The following ERG variants were observed in gnomAD, a reference collection of about 807,000 sequenced individuals.
ERG encodes the protein transcriptional regulator ERG.
In ERG, 9 loss-of-function variants were observed where a neutral mutation model predicts 55.3. That is an observed-to-expected ratio of 0.16 (90% CI 0.10 to 0.28). ERG has a LOEUF of 0.28. ERG is among the 10% of genes least tolerant of loss of function. The probability of loss-of-function intolerance (pLI) is 1.00; values close to 1 mark genes in which losing one functional copy is unlikely to be tolerated. For synonymous variants in ERG, 223 were observed against 237.3 expected (o/e 0.94, Z 0.55); for missense variants, 434 against 631.6 (o/e 0.69, Z 3.35).
At chr21:38,389,258 T>C (rs1987856162) in intron 9 of ERG, among the ~76,000 whole-genome samples, 1 of 152,166 alleles carries the variant, frequency 6.6e-6, no homozygotes, top group African/African-American at 2.4e-5. Flanking sequence ...ATTGGCTGTG[T>C]GACACAGGAA....
At chr21:38,578,482 A>G (rs1356999432) in intron 1 of ERG, among the ~76,000 whole-genome samples, 1 of 152,178 alleles carries the variant, frequency 6.6e-6, no homozygotes, top group African/African-American at 2.4e-5. Flanking sequence ...GGCCTATATG[A>G]TCTGCTTCAG....
In ERG at chr21:38,381,041, T is replaced by C. The variant is rs1200328287; in HGVS notation, c.*2362A>G. On this transcript the variant is annotated 3_prime_UTR_variant, in exon 10 of 10. Transcript: ENST00000288319. ...GGAGATACGGGCACTTTGTGGGCCT[T>C]CCCAGGCTGCTGCAAAATGATGGAT... 3 of 1,064,628 alleles carry C rather than the reference T, an allele frequency of 2.8e-6. No homozygotes were observed. The highest frequency in any genetic ancestry group is 1.1e-6 in the Non-Finnish European group (1 of 878,826). The allele number at this position is 1,064,628 out of a possible 1,614,324, so 65.9% of individuals were successfully genotyped here. A position where few individuals can be genotyped will look rare whatever the true frequency, so the allele number is the denominator to read the frequency against.
Position 38,380,465 on chromosome 21 carries a change from C to T in ERG, c.*2938G>A. 1 of 1,064,652 alleles carries T rather than the reference C, an allele frequency of 9.4e-7. No homozygotes were observed. The highest frequency in any genetic ancestry group is 5.0e-5 in the East Asian group (1 of 19,992). The allele number at this position is 1,064,652 out of a possible 1,614,324, so 66.0% of individuals were successfully genotyped here. Reference sequence around the variant, plus strand: ...TTTTACCACATACAAGGCCCGAAAGCCAATTGAAGACAAGAAAAGAAGACA... The same window carrying T: ...TTTTACCACATACAAGGCCCGAAAGTCAATTGAAGACAAGAAAAGAAGACA... On this transcript the variant is annotated 3_prime_UTR_variant, in exon 10 of 10. Transcript: ENST00000288319.
chr21:38,584,203 G>A (rs2060048051), intron 1 of ERG, among the ~76,000 whole-genome samples: 1 of 152,200 alleles, frequency 6.6e-6, no homozygotes, highest in African/African-American at 2.4e-5. Context: ...TGAGTGTCAT[G>A]TGAGCACCCC....
At chr21:38,590,397 C>G (rs534335216) in intron 1 of ERG, among the ~76,000 whole-genome samples, 50 of 152,258 alleles carry the variant, frequency 3.3e-4, no homozygotes, top group African/African-American at 1.1e-3. Context: ...CAAGGAAGCA[C>G]GCTGCAGGGA....
chr21:38,386,981 C>G (rs1048823650), intron 9 of ERG, among the ~76,000 whole-genome samples: 1 of 151,928 alleles, frequency 6.6e-6, no homozygotes, highest in African/African-American at 2.4e-5. Flanking sequence ...AGAGGCACTC[C>G]TTTAATTTTA....
chr21:38,424,352 G>A (rs949646591), intron 2 of ERG, among the ~76,000 whole-genome samples: 3 of 152,136 alleles, frequency 2.0e-5, no homozygotes, highest in African/African-American at 7.2e-5. Flanking sequence ...GCAAGCTCGA[G>A]TCCCATTGTT....
rs184229914 is a variant in ERG, at chr21:38,612,822, C to T, written c.-149-27877G>A. ...GGGACTACAGGCGCCTGCCACCATG[C>T]CTGGCTAATTTTGTATTTTTAGTAG... On this transcript the variant is annotated intron_variant, in intron 1 of 10. Transcript: ENST00000398910. Among the ~76,000 whole-genome samples, 362 of 152,184 alleles carry T rather than the reference C, an allele frequency of 2.4e-3. 1 individual carries two copies. Among genetic ancestry groups the T allele is most frequent in the African/African-American group, 8.4e-3 (350 of 41,526 alleles).
chr21:38,468,511 G>A (rs1327950421), intron 1 of ERG, among the ~76,000 whole-genome samples: 1 of 152,136 alleles, frequency 6.6e-6, no homozygotes, highest in Non-Finnish European at 1.5e-5. Flanking sequence ...TGAATTGGAA[G>A]ATCTGGATGC....
chr21:38,563,684 G>C (rs1030158227), intron 2 of ERG, among the ~76,000 whole-genome samples: 2 of 152,204 alleles, frequency 1.3e-5, no homozygotes, highest in East Asian at 3.8e-4. Flanking sequence ...CAGTCAACTC[G>C]TATATGTGAA....
chr21:38,423,298 A>G, intron 3 of ERG, 112 bp downstream of exon 3: 1 of 1,162,562 alleles, frequency 8.6e-7, no homozygotes, highest in Non-Finnish European at 1.2e-6. Context: ...CCTGCTCTGG[A>G]CAAAGGAGAT....
At chr21:38,587,547 G>A (rs187543796), upstream of ERG, among the ~76,000 whole-genome samples, 169 of 152,150 alleles carry the variant, frequency 1.1e-3, no homozygotes, top group Non-Finnish European at 4.1e-4. Flanking sequence ...TAGTAGAGAC[G>A]GGGTTTCATC....
At chr21:38,432,187 T>C (rs560886101) in intron 2 of ERG, among the ~76,000 whole-genome samples, 9 of 152,288 alleles carry the variant, frequency 5.9e-5, no homozygotes, top group African/African-American at 2.2e-4. Flanking sequence ...CTCAAACTCC[T>C]GGGCTCAAGC....
chr21:38,558,863 T>C (rs1193498148), intron 2 of ERG, among the ~76,000 whole-genome samples: 1 of 151,910 alleles, frequency 6.6e-6, no homozygotes, highest in African/African-American at 2.4e-5. Flanking sequence ...AGATAAAAAA[T>C]CAGCACAGAA....
At chr21:38,648,610 G>A (rs1228883867) in intron 1 of ERG, among the ~76,000 whole-genome samples, 1 of 152,100 alleles carries the variant, frequency 6.6e-6, no homozygotes, top group Admixed American at 6.5e-5. Flanking sequence ...CATCTCCCAC[G>A]GCCTCTGCCT....
intron 1 of ERG, among the ~76,000 whole-genome samples, chr21:38,631,413 G>A (rs779278925): frequency 8.6e-5 from 13 of 152,034 alleles, no homozygotes; most frequent in Admixed American, 7.2e-4. Context: ...CACACGTCTC[G>A]TCTCTTTAAA....
Position 38,380,763 on chromosome 21 carries a change from G to A in ERG, c.*2640C>T, listed in dbSNP as rs1023194405. The A allele has an allele frequency of 9.4e-7, 1 of 1,064,590 alleles. No homozygotes were observed. The highest frequency in any genetic ancestry group is 4.6e-5 in the South Asian group (1 of 21,952). 65.9% of individuals were successfully genotyped at this position (1,064,590 alleles called of 1,614,324 possible). A position where few individuals can be genotyped will look rare whatever the true frequency, so the allele number is the denominator to read the frequency against. Reference sequence around the variant, plus strand: ...CTAATAACCTGGACTGGGGGTGGAGGGTTGAGGGATCTAATGGAAAACATC... The same window carrying A: ...CTAATAACCTGGACTGGGGGTGGAGAGTTGAGGGATCTAATGGAAAACATC... On this transcript the variant is annotated 3_prime_UTR_variant, in exon 10 of 10. Coordinates refer to ENST00000288319, the MANE Select transcript of ERG (RefSeq NM_182918.4).
chr21:38,367,923 C>T, the ERG span, among the ~76,000 whole-genome samples: 4 of 152,174 alleles, frequency 2.6e-5, no homozygotes, highest in Admixed American at 6.5e-5. Context: ...AACACTGCTC[C>T]AACAGGGGCA....
intron 1 of ERG, among the ~76,000 whole-genome samples, chr21:38,648,912 T>G (rs953858615): frequency 6.6e-6 from 1 of 152,112 alleles, no homozygotes; most frequent in Non-Finnish European, 1.5e-5. Context: ...GTCCAAACAC[T>G]TAAGGAAGGA....
Sources: allele counts gnomAD v4.1 joint callset (sites outside exome capture counted in the v4.1 genomes callset), GRCh38; gene constraint gnomAD v4.1.1; transcripts MANE v1.5; gene names NCBI Gene and HGNC (gene_info 2026-07-23, HGNC 2026-07-21).